Variants in MORC3 observed in about 807,000 individuals in gnomAD.
The protein encoded by MORC3 is MORC family CW-type zinc finger 3.
Under a neutral mutation model 109.1 loss-of-function variants are expected in MORC3, and 31 were observed. The observed-to-expected ratio is 0.28, with a 90% confidence interval of 0.21 to 0.38. The LOEUF is 0.38. Among genes scored for constraint, MORC3 ranks in the 10% least tolerant of loss-of-function variants. MORC3 has a pLI of 1.00. For missense variants in MORC3, 867 were observed against 1,135.8 expected (o/e 0.76, Z 3.40); for synonymous variants, 395 against 380.7 (o/e 1.04, Z -0.44).
intron 9 of MORC3, 108 bp downstream of exon 9, chr21:36,349,516 G>C (rs1011525766): frequency 2.1e-5 from 14 of 652,708 alleles, no homozygotes; most frequent in African/African-American, 1.7e-4. Flanking sequence ...TATTAGTAAA[G>C]AAAGGTTTGA....
intron 8 of MORC3, chr21:36,348,242 A>C (rs2085533030): frequency 6.6e-6 from 1 of 152,252 alleles, no homozygotes; most frequent in African/African-American, 2.4e-5. Context: ...ATTGTTAGCA[A>C]CTGGATACCT....
chr21:36,334,643 C>T (rs1442661557), intron 2 of MORC3, among the ~76,000 whole-genome samples: 1 of 152,078 alleles, frequency 6.6e-6, no homozygotes, highest in Non-Finnish European at 1.5e-5. Flanking sequence ...TAACATACAG[C>T]ATGGATTCAT....
At chr21:36,325,401 C>CGTA (rs953901590) in intron 1 of MORC3, among the ~76,000 whole-genome samples, 83 of 152,202 alleles carry the variant, frequency 5.5e-4, no homozygotes, top group African/African-American at 1.9e-3. Context: ...GGAAGAAAGG[C>CGTA]GTATCACATT....
At chr21:36,370,500 AT>A (rs1330536639) in intron 15 of MORC3, among the ~76,000 whole-genome samples, 1 of 151,260 alleles carries the variant, frequency 6.6e-6, no homozygotes, top group Non-Finnish European at 1.5e-5. Context: ...GCTTTTAAGT[AT>A]AGTTAATCCT....
intron 14 of MORC3, among the ~76,000 whole-genome samples, chr21:36,366,255 C>G (rs1032585850): frequency 6.6e-6 from 1 of 151,894 alleles, no homozygotes; most frequent in Non-Finnish European, 1.5e-5. Context: ...GTACCTAGCA[C>G]TTACTCCCAC....
intron 9 of MORC3, among the ~76,000 whole-genome samples, chr21:36,351,614 G>A (rs980349316): frequency 1.2e-4 from 18 of 152,164 alleles, no homozygotes; most frequent in South Asian, 2.1e-4. Flanking sequence ...ACAAATGACA[G>A]CATTTTTGTG....
chr21:36,369,513 A>G lies in MORC3; in HGVS notation c.2145A>G (p.Arg715=), dbSNP rs2085827091. 1 of 1,614,220 alleles carries G rather than the reference A, an allele frequency of 6.2e-7. No homozygotes were observed. The highest frequency in any genetic ancestry group is 8.5e-7 in the Non-Finnish European group (1 of 1,180,040). Residue 715 remains arginine, a synonymous_variant, in exon 15 of 17, where the codon AGA becomes AGG. Transcript: ENST00000400485. ...LVTEEKENYK[R]QCHMFTDQIK... ...CTGAGGAAAAAGAGAATTATAAAAG[A>G]CAGTGTCATATGTTTACTGATCAAA...
chr21:36,332,612 T>C (rs1199980993), intron 1 of MORC3, among the ~76,000 whole-genome samples: 3 of 152,174 alleles, frequency 2.0e-5, no homozygotes, highest in Admixed American at 1.3e-4. Flanking sequence ...TGACCGAAGA[T>C]GGGATTCTGT....
chr21:36,353,755 ATT>A (rs1202729285), intron 9 of MORC3, among the ~76,000 whole-genome samples: 15 of 71,000 alleles, frequency 2.1e-4, no homozygotes, highest in South Asian at 1.4e-3. Flanking sequence ...TAATTTTTGT[ATT>A]TTTTTTTTTT....
At chr21:36,320,667 T>G in intron 1 of MORC3, 1 of 219,904 alleles carries the variant, frequency 4.5e-6, no homozygotes, top group East Asian at 9.4e-5. Context: ...CCGCTGGGCG[T>G]CGTGGTGGGA....
chr21:36,336,110 T>A (rs934562172), intron 2 of MORC3, among the ~76,000 whole-genome samples: 5 of 150,208 alleles, frequency 3.3e-5, no homozygotes, highest in African/African-American at 4.9e-5. Context: ...TTTTTTTTTT[T>A]AATACAGATG....
At chr21:36,373,119 C>T (rs189202854) in intron 16 of MORC3, among the ~76,000 whole-genome samples, 1 of 152,324 alleles carries the variant, frequency 6.6e-6, no homozygotes, top group East Asian at 1.9e-4. Flanking sequence ...TTGGGCGGAT[C>T]ACCTGAGGTC....
At chr21:36,323,945 G>A (rs954979583) in intron 1 of MORC3, among the ~76,000 whole-genome samples, 1 of 151,462 alleles carries the variant, frequency 6.6e-6, no homozygotes, top group Non-Finnish European at 1.5e-5. Flanking sequence ...GCGTGATCTC[G>A]GCTCACCGCA....
intron 15 of MORC3, among the ~76,000 whole-genome samples, chr21:36,371,272 T>C (rs866330864): frequency 2.0e-5 from 3 of 152,288 alleles, no homozygotes; most frequent in South Asian, 4.1e-4. Flanking sequence ...TTGCTACTCA[T>C]GCAAACACTA....
In MORC3 at chr21:36,354,546, G is replaced by T. The variant is rs1167216157; in HGVS notation, c.1104-2074G>T. On this transcript the variant is annotated intron_variant, in intron 9 of 16. Coordinates refer to ENST00000400485, the MANE Select transcript of MORC3 (RefSeq NM_015358.3). ...TCTTGAACTCCTGACCTTGTGATCC[G>T]CCCGCCTCTGTCTTCCAAAGTGCTG... Among the ~76,000 whole-genome samples the T allele has an allele frequency of 4.6e-5, 7 of 151,712 alleles. No individual in the cohort carries two copies. The South Asian group carries it at 1.5e-3, about 32-fold the overall frequency.
intron 15 of MORC3, among the ~76,000 whole-genome samples, chr21:36,370,637 ATATTTTTTTTTTTTTTT>A (rs1199948614): frequency 0.017 from 495 of 28,504 alleles, 2 homozygotes; most frequent in Admixed American, 0.055. Flanking sequence ...ATATATATAT[ATATTTTTTTTTTTTTTT>A]TTTTTTTTTT....
intron 1 of MORC3, among the ~76,000 whole-genome samples, chr21:36,330,376 T>A (rs2085301525): frequency 6.6e-6 from 1 of 152,166 alleles, no homozygotes; most frequent in South Asian, 2.1e-4. Flanking sequence ...TGATCCCAGG[T>A]CCTTAGACAA....
intron 1 of MORC3, among the ~76,000 whole-genome samples, chr21:36,326,816 AG>A (rs1227339970): frequency 0.026 from 3,940 of 151,602 alleles, 157 homozygotes; most frequent in African/African-American, 0.087. Flanking sequence ...ATAAATTTAA[AG>A]ATTTTTTTTT....
intron 1 of MORC3, among the ~76,000 whole-genome samples, chr21:36,333,189 C>T (rs926310810): frequency 6.6e-6 from 1 of 152,198 alleles, no homozygotes; most frequent in Non-Finnish European, 1.5e-5. Flanking sequence ...ATAATGAAGT[C>T]ACAGTGCCAG....
Sources: gnomAD v4.1 joint callset for allele counts (sites outside exome capture counted in the v4.1 genomes callset) on GRCh38, gnomAD v4.1.1 for gene constraint, MANE v1.5 for transcripts, NCBI Gene and HGNC (gene_info 2026-07-23, HGNC 2026-07-21) for gene names.